HECW2: variants seen among roughly 807,000 people sequenced by gnomAD.
HECW2 encodes the protein HECT, C2 and WW domain containing E3 ubiquitin protein ligase 2, also known as E3 ubiquitin-protein ligase HECW2.
HECW2 carries 61 observed loss-of-function variants against 175.2 expected under a neutral mutation model. The ratio of observed to expected loss-of-function variants is 0.35; its 90% CI spans 0.28 to 0.43. The LOEUF is 0.43. HECW2 is among the 20% of genes least tolerant of loss of function. The probability of loss-of-function intolerance (pLI) is 1.00; values close to 1 mark genes in which losing one functional copy is unlikely to be tolerated. For synonymous variants in HECW2, 671 were observed against 731.0 expected, an observed-to-expected ratio of 0.92 and a Z score of 1.32; for missense variants, 1,524 against 2,000.5, an observed-to-expected ratio of 0.76 and a Z score of 4.54.
At chr2:196,262,419 G>T (rs1368667911) in intron 17 of HECW2, among the ~76,000 whole-genome samples, 1 of 152,132 alleles carries the variant, frequency 6.6e-6, no homozygotes, top group Admixed American at 6.5e-5. Flanking sequence ...TTATCATTTG[G>T]CTCTCTCTAC....
At chr2:196,554,816 A>G (rs1689738947) in intron 1 of HECW2, among the ~76,000 whole-genome samples, 1 of 152,250 alleles carries the variant, frequency 6.6e-6, no homozygotes, top group Non-Finnish European at 1.5e-5. Flanking sequence ...TAGGCTCTGC[A>G]GTGTGCAAAA....
intron 13 of HECW2, among the ~76,000 whole-genome samples, chr2:196,304,601 CA>C (rs1691191591): frequency 6.6e-6 from 1 of 152,116 alleles, no homozygotes. Context: ...AACAAATGAA[CA>C]AAAAACAAAG....
intron 2 of HECW2, among the ~76,000 whole-genome samples, chr2:196,356,772 G>A (rs80154548): frequency 0.038 from 5,797 of 152,256 alleles, 164 homozygotes; most frequent in Non-Finnish European, 0.054. Flanking sequence ...GTTCTATTTT[G>A]TTTTAGTTAC....
chr2:196,567,807 T>A (rs1690236826), intron 1 of HECW2, among the ~76,000 whole-genome samples: 6 of 152,198 alleles, frequency 3.9e-5, no homozygotes, highest in Admixed American at 3.9e-4. Flanking sequence ...TGTTTCTAGA[T>A]TAATTTCATT....
intron 10 of HECW2, among the ~76,000 whole-genome samples, chr2:196,315,309 A>G (rs1277760409): frequency 6.6e-6 from 1 of 152,208 alleles, no homozygotes; most frequent in Non-Finnish European, 1.5e-5. Flanking sequence ...TAGCACAGAT[A>G]AGTGTTTCTT....
intron 4 of HECW2, among the ~76,000 whole-genome samples, chr2:196,332,135 C>T (rs6434840): frequency 0.98 from 148,981 of 152,222 alleles, 72,972 homozygotes; most frequent in Middle Eastern, 1. Context: ...CAATAGGATA[C>T]GTGAGAAAAG....
At chr2:196,383,357 T>C (rs1694260420) in intron 2 of HECW2, among the ~76,000 whole-genome samples, 1 of 152,040 alleles carries the variant, frequency 6.6e-6, no homozygotes. Flanking sequence ...AGAAAAAGAA[T>C]GAAGATTGGG....
chr2:196,348,951 G>A (rs1449284697), intron 2 of HECW2, among the ~76,000 whole-genome samples: 1 of 152,062 alleles, frequency 6.6e-6, no homozygotes, highest in Non-Finnish European at 1.5e-5. Context: ...GCATCCAAGA[G>A]GACATTAGGC....
At chr2:196,316,446 G>T (rs974663650) in intron 10 of HECW2, 2 of 152,150 alleles carry the variant, frequency 1.3e-5, no homozygotes, top group Non-Finnish European at 2.9e-5. Flanking sequence ...GTAAGTGGAG[G>T]GGGTGAGCAA....
chr2:196,320,724 T>C (rs1691910113), intron 7 of HECW2, among the ~76,000 whole-genome samples: 1 of 152,194 alleles, frequency 6.6e-6, no homozygotes, highest in Non-Finnish European at 1.5e-5. Flanking sequence ...ACTGATTCAC[T>C]CTCTCACTTT....
At chr2:196,291,052 C>T (rs1287746968) in intron 14 of HECW2, 1 of 152,140 alleles carries the variant, frequency 6.6e-6, no homozygotes, top group African/African-American at 2.4e-5. Flanking sequence ...CATTTTGTAA[C>T]AACCATTTTG....
At chr2:196,483,453 C>T (rs970024047) in intron 1 of HECW2, among the ~76,000 whole-genome samples, 1 of 152,172 alleles carries the variant, frequency 6.6e-6, no homozygotes, top group Non-Finnish European at 1.5e-5. Flanking sequence ...AAACATCTAA[C>T]CCTGCTGAGT....
chr2:196,565,062 T>C (rs1690134110), intron 1 of HECW2, among the ~76,000 whole-genome samples: 1 of 151,674 alleles, frequency 6.6e-6, no homozygotes, highest in South Asian at 2.1e-4. Context: ...TTTGGTAAAA[T>C]TCACCACTCT....
intron 2 of HECW2, among the ~76,000 whole-genome samples, chr2:196,362,825 G>A (rs1693635899): frequency 1.3e-5 from 2 of 152,138 alleles, no homozygotes; most frequent in Admixed American, 1.3e-4. Context: ...GCCCACCTGT[G>A]TCAGTGGTTG....
At chr2:196,486,962 T>G (rs1575598578) in intron 1 of HECW2, among the ~76,000 whole-genome samples, 1 of 151,956 alleles carries the variant, frequency 6.6e-6, no homozygotes, top group East Asian at 1.9e-4. Flanking sequence ...AGTGAGACGC[T>G]GTCACTACAA....
chr2:196,319,804 G>C lies in HECW2; in HGVS notation c.1086C>G (p.His362Gln), dbSNP rs770115826. The C allele has an allele frequency of 3.1e-6, 5 of 1,614,198 alleles. No homozygotes were observed. Among genetic ancestry groups the C allele is most frequent in the Non-Finnish European group, 4.2e-6 (5 of 1,180,030 alleles). The change falls in exon 9 of 29, where the codon CAC becomes CAG. Residue 362 changes from histidine to glutamine, a missense_variant. Physicochemically the swap from His to Gln is conservative, Grantham distance 24. Transcript: ENST00000644978. ...SDDEDMPGSH[H>Q]DSQVCSNGPV... ...GCCCATTAGAGCACACCTGGCTGTC[G>C]TGATGGCTCCCTGGCATGTCCTCGT...
intron 2 of HECW2, among the ~76,000 whole-genome samples, chr2:196,367,908 C>CAT (rs746300552): frequency 2.7e-5 from 4 of 146,166 alleles, no homozygotes; most frequent in Non-Finnish European, 4.5e-5. Flanking sequence ...TACATAGATA[C>CAT]ATATATATAT....
intron 1 of HECW2, among the ~76,000 whole-genome samples, chr2:196,513,563 C>T (rs1267731818): frequency 1.3e-5 from 2 of 152,152 alleles, no homozygotes. Context: ...TAATGCTCAA[C>T]CCCTATTCTC....
intron 1 of HECW2, among the ~76,000 whole-genome samples, chr2:196,455,914 A>T (rs1401846567): frequency 6.6e-6 from 1 of 152,094 alleles, no homozygotes; most frequent in Non-Finnish European, 1.5e-5. Flanking sequence ...CATTTGCAAT[A>T]AAAAATATTG....
Sources: allele counts gnomAD v4.1 joint callset (sites outside exome capture counted in the v4.1 genomes callset), GRCh38; gene constraint gnomAD v4.1.1; transcripts MANE v1.5; gene names NCBI Gene and HGNC (gene_info 2026-07-23, HGNC 2026-07-21).